Variants in MOB3B observed in about 807,000 individuals in gnomAD.
The protein encoded by MOB3B is MOB kinase activator 3B, also known as MOB kinase activator-like 2B.
MOB3B carries 7 observed loss-of-function variants against 18.7 expected under a neutral mutation model. That is an observed-to-expected ratio of 0.37 (90% confidence interval 0.21 to 0.70). The LOEUF (loss-of-function observed/expected upper bound fraction) is 0.70. Ranked by LOEUF, MOB3B falls within the 30% of genes least tolerant of loss-of-function variation. The pLI, the probability that MOB3B is intolerant of heterozygous loss-of-function variation, is 0.52. For synonymous variants in MOB3B, 111 were observed against 99.9 expected (o/e 1.11, Z -0.66); for missense variants, 253 against 281.3 (o/e 0.90, Z 0.72).
chr9:27,466,118 T>C (rs1206758152), intron 1 of MOB3B, among the ~76,000 whole-genome samples: 1 of 152,204 alleles, frequency 6.6e-6, no homozygotes, highest in East Asian at 1.9e-4. Context: ...ACTTTTACGC[T>C]CTGTTTCTCT....
intron 2 of MOB3B, among the ~76,000 whole-genome samples, chr9:27,368,516 G>A (rs577761602): frequency 1.3e-5 from 2 of 152,186 alleles, no homozygotes; most frequent in Non-Finnish European, 2.9e-5. Context: ...GTGTCTGTTC[G>A]TCATGCCAAG....
At chr9:27,418,823 A>G (rs114837007) in intron 2 of MOB3B, among the ~76,000 whole-genome samples, 8,358 of 152,194 alleles carry the variant, frequency 0.055, 427 homozygotes, top group African/African-American at 0.14. Flanking sequence ...AGAGAAAGAA[A>G]TAAAGGCCAT....
intron 2 of MOB3B, among the ~76,000 whole-genome samples, chr9:27,445,250 A>G (rs985915074): frequency 6.6e-6 from 1 of 152,142 alleles, no homozygotes; most frequent in Non-Finnish European, 1.5e-5. Flanking sequence ...TACGTCACTT[A>G]ATTCTGATAA....
intron 2 of MOB3B, among the ~76,000 whole-genome samples, chr9:27,398,954 T>A (rs973140204): frequency 1.3e-5 from 2 of 151,596 alleles, no homozygotes; most frequent in Non-Finnish European, 2.9e-5. Flanking sequence ...TTTTTTTTAA[T>A]CTGCAAAATG....
intron 1 of MOB3B, among the ~76,000 whole-genome samples, chr9:27,528,736 T>G (rs1820480310): frequency 6.6e-6 from 1 of 151,702 alleles, no homozygotes; most frequent in South Asian, 2.1e-4. Flanking sequence ...CGTAGAGAGA[T>G]CTCTGTGGGG....
rs1822856928 is a variant in MOB3B, at chr9:27,455,581, G to GA, written c.-32_-31insT. The stretch of plus-strand genomic sequence containing the variant: ...TCTCTTTCGCTTCCTTTCTTTTGCA[G>GA]GAAGCGAAAAGGCACCTGGAACTTT... On this transcript the variant is annotated 5_prime_UTR_variant, in exon 2 of 4. Transcript: ENST00000262244. The GA allele has an allele frequency of 6.2e-6, 10 of 1,612,370 alleles. No homozygotes were observed. Among genetic ancestry groups the GA allele is most frequent in the Non-Finnish European group, 8.5e-6 (10 of 1,179,690 alleles).
intron 1 of MOB3B, among the ~76,000 whole-genome samples, chr9:27,516,659 T>A (rs1440220545): frequency 6.6e-6 from 1 of 152,246 alleles, no homozygotes; most frequent in Non-Finnish European, 1.5e-5. Flanking sequence ...CTTATGCCTG[T>A]GACCATCCTC....
At chr9:27,416,972 T>A (rs1822160293) in intron 2 of MOB3B, among the ~76,000 whole-genome samples, 1 of 152,138 alleles carries the variant, frequency 6.6e-6, no homozygotes, top group Admixed American at 6.5e-5. Flanking sequence ...AGAACTGGTG[T>A]GCGATTGAAG....
At chr9:27,497,850 A>G (rs1292769453) in intron 1 of MOB3B, among the ~76,000 whole-genome samples, 2 of 152,230 alleles carry the variant, frequency 1.3e-5, no homozygotes, top group African/African-American at 2.4e-5. Context: ...TTCTCTACCA[A>G]CTACCTCCAG....
chr9:27,459,790 G>A (rs115406140), intron 1 of MOB3B, among the ~76,000 whole-genome samples: 2,327 of 150,504 alleles, frequency 0.015, 58 homozygotes, highest in African/African-American at 0.053. Flanking sequence ...CTGCTATTGC[G>A]GCCTCAAGCA....
Position 27,348,657 on chromosome 9 carries a change from T to TA in MOB3B, c.621+10376dup, listed in dbSNP as rs556877171. 1.0e-3 allele frequency among the ~76,000 whole-genome samples: 129 copies of TA among 129,558 alleles called. 1 individual carries two copies. Among genetic ancestry groups the TA allele is most frequent in the South Asian group, 9.3e-3 (37 of 3,992 alleles). The allele number at this position is 129,558 out of a possible 152,430, so 85.0% of individuals were successfully genotyped here. On this transcript the variant is annotated intron_variant, in intron 3 of 3. Transcript: ENST00000262244. ...GACAGAGCAAGACTCCATCTCAAAA[T>TA]AAAAAAAAAAAAAGAAAGAAAGAAA...
chr9:27,424,819 G>A (rs538243146), intron 2 of MOB3B, among the ~76,000 whole-genome samples: 1 of 152,260 alleles, frequency 6.6e-6, no homozygotes, highest in African/African-American at 2.4e-5. Context: ...GAGTTATGTT[G>A]GTGCATCAGT....
At chr9:27,524,304 C>G (rs760457996) in intron 1 of MOB3B, 2 of 1,593,922 alleles carry the variant, frequency 1.3e-6, no homozygotes, top group African/African-American at 2.7e-5. Flanking sequence ...TTGTCATATA[C>G]ACATCTTCTG....
intron 1 of MOB3B, among the ~76,000 whole-genome samples, chr9:27,460,977 T>A (rs1415886690): frequency 6.6e-6 from 1 of 152,206 alleles, no homozygotes; most frequent in African/African-American, 2.4e-5. Flanking sequence ...GCCAACTCAC[T>A]GAGGCCGCTG....
chr9:27,326,355 T>C lies in MOB3B; in HGVS notation c.*4232A>G. 5.0e-6 allele frequency: 2 copies of C among 397,510 alleles called. No individual in the cohort carries two copies. The highest frequency in any genetic ancestry group is 8.9e-6 in the Non-Finnish European group (2 of 225,668). The allele number at this position is 397,510 out of a possible 1,614,324, so 24.6% of individuals were successfully genotyped here. On this transcript the variant is annotated 3_prime_UTR_variant, in exon 4 of 4. Coordinates refer to ENST00000262244, the MANE Select transcript of MOB3B (RefSeq NM_024761.5). ...AGCACAACTGGTAATAGCCTTCAGA[T>C]ATTTAATGGATATGCAAATAAAGCT...
At chr9:27,417,654 C>T (rs1294029524) in intron 2 of MOB3B, among the ~76,000 whole-genome samples, 1 of 152,186 alleles carries the variant, frequency 6.6e-6, no homozygotes, top group Non-Finnish European at 1.5e-5. Flanking sequence ...GTACTTTGGA[C>T]TCTAGCAGCA....
intron 2 of MOB3B, among the ~76,000 whole-genome samples, chr9:27,437,430 T>G (rs1822526544): frequency 6.6e-6 from 1 of 152,232 alleles, no homozygotes; most frequent in Admixed American, 6.5e-5. Flanking sequence ...CAAGTCCTAC[T>G]AATGACAACT....
chr9:27,432,566 C>T (rs1323035047), intron 2 of MOB3B, among the ~76,000 whole-genome samples: 3 of 152,122 alleles, frequency 2.0e-5, no homozygotes, highest in African/African-American at 7.2e-5. Context: ...GCCAGGTTTG[C>T]ACACCGCTGA....
chr9:27,385,642 T>C (rs879145673), intron 2 of MOB3B, among the ~76,000 whole-genome samples: 1 of 152,222 alleles, frequency 6.6e-6, no homozygotes, highest in African/African-American at 2.4e-5. Flanking sequence ...TTTTTGAAGG[T>C]ACTTTCTGCA....
Sources: allele counts gnomAD v4.1 joint callset (sites outside exome capture counted in the v4.1 genomes callset), GRCh38; gene constraint gnomAD v4.1.1; transcripts MANE v1.5; gene names NCBI Gene and HGNC (gene_info 2026-07-23, HGNC 2026-07-21).